Variants in SPATA6 observed in about 807,000 individuals in gnomAD.
SPATA6 encodes spermatogenesis-associated protein 6.
Under a neutral mutation model 65.3 loss-of-function variants are expected in SPATA6, and 56 were observed. The ratio of observed to expected loss-of-function variants is 0.86; its 90% CI spans 0.69 to 1.07. The LOEUF (loss-of-function observed/expected upper bound fraction) is 1.07. SPATA6 is among the 50% of genes least tolerant of loss of function. The probability of loss-of-function intolerance (pLI) is 0.00; values close to 1 mark genes in which losing one functional copy is unlikely to be tolerated. For synonymous variants in SPATA6, 199 were observed against 213.2 expected (o/e 0.93, Z 0.58); for missense variants, 590 against 594.8 (o/e 0.99, Z 0.08).
rs572408813 is a variant in SPATA6, at chr1:48,307,130, G to A, written c.1195-1252C>T. Among the ~76,000 whole-genome samples the A allele has an allele frequency of 2.6e-5, 4 of 151,636 alleles. No homozygotes were observed. The East Asian group carries it at 7.8e-4, about 29-fold the overall frequency. ...ATTATCAAAGAAAATGTAATTGCCT[G>A]TAGTGAGTGTGAAAGACTTGGCAAA... is the stretch of plus-strand genomic sequence containing the variant. On this transcript the variant is annotated intron_variant, in intron 11 of 12. Transcript: ENST00000371847.
chr1:48,467,295 G>C (rs544157943), intron 1 of SPATA6, among the ~76,000 whole-genome samples: 11 of 152,038 alleles, frequency 7.2e-5, no homozygotes, highest in African/African-American at 2.7e-4. Flanking sequence ...CAAAACTTCA[G>C]CAAAAAGTAA....
downstream of SPATA6, among the ~76,000 whole-genome samples, chr1:48,293,974 A>G (rs1211840641): frequency 6.6e-6 from 1 of 152,258 alleles, no homozygotes; most frequent in Non-Finnish European, 1.5e-5. Flanking sequence ...AACTCAAAGT[A>G]TATCATTCAG....
chr1:48,443,169 C>T lies in SPATA6; in HGVS notation c.238+8383G>A, dbSNP rs114075119. On this transcript the variant is annotated intron_variant, in intron 3 of 12. Coordinates refer to ENST00000371847, the MANE Select transcript of SPATA6 (RefSeq NM_019073.4). ...AGTACTTACAGAATCAGGAGGGAGC[C>T]ATCCATACCACTTCTAAGTGAATAT... is the stretch of plus-strand genomic sequence containing the variant. Among the ~76,000 whole-genome samples the T allele has an allele frequency of 4.5e-3, 693 of 152,308 alleles. 4 individuals are homozygous for T. Among genetic ancestry groups the T allele is most frequent in the African/African-American group, 0.015 (619 of 41,554 alleles).
rs114198063 is a variant in SPATA6 at position 48,449,704 on chromosome 1, C to T, written c.238+1848G>A. On this transcript the variant is annotated intron_variant, in intron 3 of 12. Transcript: ENST00000371847. ...TTAACAAATCGATTGCAAAAAGACA[C>T]TTTGAGGATAACTAGGGAAATCTGA... Among the ~76,000 whole-genome samples, 1,074 of 152,282 alleles carry T rather than the reference C, an allele frequency of 7.1e-3. 14 individuals are homozygous for T. Among genetic ancestry groups the T allele is most frequent in the African/African-American group, 0.025 (1,025 of 41,564 alleles).
At position 48,403,865 on chromosome 1, in the gene SPATA6, C is replaced by T; in HGVS notation, c.423G>A (p.Leu141=). The part of the protein sequence containing the change: ...ISGLRGNAPR[L]EFSTTSVITE... ...TAATCACTGAAGTCGTAGAAAATTC[C>T]AGCCTTGGAGCATTTCCCTGAGAAG... is the stretch of plus-strand genomic sequence containing the variant. Residue 141 remains leucine (L), a synonymous_variant, in exon 6 of 13, where the codon CTG becomes CTA. Coordinates refer to ENST00000371847, the MANE Select transcript of SPATA6 (RefSeq NM_019073.4). The T allele has an allele frequency of 6.2e-7, 1 of 1,609,890 alleles. No individual in the cohort carries two copies. The highest frequency in any genetic ancestry group is 8.5e-7 in the Non-Finnish European group (1 of 1,178,294).
chr1:48,325,561 T>C, intron 11 of SPATA6: 1 of 1,070,074 alleles, frequency 9.3e-7, no homozygotes. Context: ...GGTCTTGGAA[T>C]GTTAGATTTC....
At chr1:48,361,965 C>A (rs1264786104) in intron 9 of SPATA6, among the ~76,000 whole-genome samples, 1 of 151,996 alleles carries the variant, frequency 6.6e-6, no homozygotes, top group East Asian at 1.9e-4. Context: ...AACTGACCAA[C>A]AAGAAATATG....
At position 48,349,684 on chromosome 1, in the gene SPATA6, A is replaced by G. The variant is rs560534028; in HGVS notation, c.1194+5986T>C. ...AACATCTTCTGTCCCCCTCCTTACA[A>G]ATTTTGTTACTTCAATAATGTCATA... is the stretch of plus-strand genomic sequence containing the variant. On this transcript the variant is annotated intron_variant, in intron 11 of 12. Transcript: ENST00000371847. Among the ~76,000 whole-genome samples the G allele has an allele frequency of 6.6e-5, 10 of 151,912 alleles. No homozygotes were observed. In the South Asian group the frequency reaches 1.2e-3, roughly 19 times the overall value.
At chr1:48,461,908 G>A (rs1334456728) in intron 1 of SPATA6, among the ~76,000 whole-genome samples, 11 of 152,122 alleles carry the variant, frequency 7.2e-5, no homozygotes, top group South Asian at 2.1e-4. Flanking sequence ...TGTTTATTGC[G>A]GCACTATTCA....
chr1:48,267,234 G>A, the SPATA6 span, among the ~76,000 whole-genome samples: 2 of 152,092 alleles, frequency 1.3e-5, no homozygotes, highest in Admixed American at 6.5e-5. Flanking sequence ...GGCGGGCACC[G>A]ACCCCACGGC....
chr1:48,309,659 A>G (rs192647541), intron 11 of SPATA6, among the ~76,000 whole-genome samples: 163 of 152,242 alleles, frequency 1.1e-3, no homozygotes, highest in Middle Eastern at 6.8e-3. Flanking sequence ...GACAGTTCCT[A>G]TTCATTGTTT....
intron 11 of SPATA6, among the ~76,000 whole-genome samples, chr1:48,321,930 T>A (rs1645609909): frequency 6.6e-6 from 1 of 152,072 alleles, no homozygotes; most frequent in Non-Finnish European, 1.5e-5. Context: ...ATAAACATAT[T>A]AAGAAGAAAA....
chr1:48,330,473 A>G (rs1402339515), intron 11 of SPATA6, among the ~76,000 whole-genome samples: 2 of 152,108 alleles, frequency 1.3e-5, no homozygotes, highest in Non-Finnish European at 2.9e-5. Flanking sequence ...CCAGGTAGGC[A>G]ACAACTGCTA....
At chr1:48,378,815 G>GT (rs1212918240) in intron 9 of SPATA6, among the ~76,000 whole-genome samples, 6 of 152,124 alleles carry the variant, frequency 3.9e-5, no homozygotes, top group Non-Finnish European at 7.3e-5. Flanking sequence ...CAAGCAAGTG[G>GT]TAAGCTCATA....
At chr1:48,408,768 CTTGTGCA>C (rs1651939619) in intron 5 of SPATA6, among the ~76,000 whole-genome samples, 1 of 152,174 alleles carries the variant, frequency 6.6e-6, no homozygotes, top group Admixed American at 6.5e-5. Flanking sequence ...AAAGAGAGAG[CTTGTGCA>C]AAGAAATTCC....
At chr1:48,265,567 GA>G in the SPATA6 span, among the ~76,000 whole-genome samples, 9 of 151,828 alleles carry the variant, frequency 5.9e-5, no homozygotes, top group African/African-American at 2.2e-4. Context: ...CTAACACAAC[GA>G]AAATATTTTA....
Position 48,403,828 on chromosome 1 carries a change from T to A in SPATA6, c.460A>T (p.Ile154Leu). 1 of 1,609,808 alleles carries A rather than the reference T, an allele frequency of 6.2e-7. No homozygotes were observed. Among genetic ancestry groups the A allele is most frequent in the Non-Finnish European group, 8.5e-7 (1 of 1,178,368 alleles). The change falls in exon 6 of 13, where the codon ATA (isoleucine) becomes TTA (leucine). Residue 154 changes from isoleucine to leucine, a missense_variant. Coordinates refer to ENST00000371847, the MANE Select transcript of SPATA6 (RefSeq NM_019073.4). ...TGAGTGTGGCATTTCCTTGAACTTA[T>A]CAGACATTCAGTAATCACTGAAGTC... Reference protein sequence around the residue: ...STTSVITECLISSRKCHTQDK... With the variant: ...STTSVITECLLSSRKCHTQDK...
chr1:48,274,154 T>C, the SPATA6 span, among the ~76,000 whole-genome samples: 1 of 152,338 alleles, frequency 6.6e-6, no homozygotes, highest in East Asian at 1.9e-4. Context: ...TTTTGAGAAG[T>C]GTCTGTTCAT....
chr1:48,450,639 G>C (rs1656478466), intron 3 of SPATA6, among the ~76,000 whole-genome samples: 1 of 152,264 alleles, frequency 6.6e-6, no homozygotes, highest in East Asian at 1.9e-4. Flanking sequence ...GGCTAGAACA[G>C]CTATACAAAA....
Sources: allele counts gnomAD v4.1 joint callset (sites outside exome capture counted in the v4.1 genomes callset), GRCh38; gene constraint gnomAD v4.1.1; transcripts MANE v1.5; gene names NCBI Gene and HGNC (gene_info 2026-07-23, HGNC 2026-07-21).